The following SH3D21 variants were observed in gnomAD, a reference collection of about 807,000 sequenced individuals.
SH3D21 encodes the protein SH3 domain-containing protein 21.
SH3D21 carries 83 observed loss-of-function variants against 82.1 expected under a neutral mutation model. That is an observed-to-expected ratio of 1.01 (90% CI 0.85 to 1.21). The LOEUF is 1.21. Among genes scored for constraint, SH3D21 ranks in the 50% most tolerant of loss-of-function variants. The pLI is 0.00. For synonymous variants in SH3D21, 383 were observed against 387.8 expected, an observed-to-expected ratio of 0.99 and a Z score of 0.15; for missense variants, 980 against 962.1, an observed-to-expected ratio of 1.02 and a Z score of -0.25.
chr1:36,318,450 G>A (rs1646380724), intron 10 of SH3D21, among the ~76,000 whole-genome samples: 1 of 152,134 alleles, frequency 6.6e-6, no homozygotes, highest in South Asian at 2.1e-4. Flanking sequence ...AGATCTCTTA[G>A]AGAGTAAATG....
downstream of SH3D21, among the ~76,000 whole-genome samples, chr1:36,325,655 C>T (rs1646535031): frequency 6.6e-6 from 1 of 152,180 alleles, no homozygotes; most frequent in Admixed American, 6.5e-5. Flanking sequence ...TGCCATTCTC[C>T]TGCCTCAGCT....
In SH3D21 at chr1:36,319,416, G is replaced by C. The variant is rs1646403382; in HGVS notation, c.917-26G>C. 1.9e-6 allele frequency: 3 copies of C among 1,551,176 alleles called. No homozygotes were observed. The South Asian group carries it at 3.6e-5, about 18-fold the overall frequency. ...AGAGACTGAGGGTCAGAGTAGGCTT[G>C]GGTCCCTGAGGTTCTGCTCTCTTAG... On this transcript the variant is annotated intron_variant, in intron 12 of 15. Coordinates refer to ENST00000453908, the MANE Select transcript of SH3D21 (RefSeq NM_001162530.2).
intron 10 of SH3D21, among the ~76,000 whole-genome samples, chr1:36,315,709 C>T (rs139078577): frequency 6.6e-6 from 1 of 152,116 alleles, no homozygotes; most frequent in Non-Finnish European, 1.5e-5. Context: ...TGTCCACCAC[C>T]TCATTCAGCC....
In SH3D21 at chr1:36,320,662, C is replaced by T; in HGVS notation, c.1999C>T (p.Gln667Ter). 6.2e-7 allele frequency: 1 copy of T among 1,614,274 alleles called. No individual in the cohort carries two copies. The highest frequency in any genetic ancestry group is 8.5e-7 in the Non-Finnish European group (1 of 1,180,046). Residue 667 changes from glutamine to a stop codon, truncating the protein, a stop_gained, in exon 14 of 16, where the codon CAA becomes TAA. Coordinates refer to ENST00000453908, the MANE Select transcript of SH3D21 (RefSeq NM_001162530.2). LOFTEE classifies it high-confidence loss of function. ...TRPIKPPPDS[Q>*]ETLALPSLVP... ...TCCTATCAAGCCGCCTCCAGACTCC[C>T]AAGAGACGCTCGCGCTCCCCTCGCT... is the stretch of plus-strand genomic sequence containing the variant.
rs1321731178 is a variant in SH3D21, at chr1:36,307,750, AC to A, written c.437-18del. On this transcript the variant is annotated intron_variant, in intron 5 of 15. Transcript: ENST00000453908. The surrounding 1 kb of genome is among the most constrained non-coding windows in gnomAD (Gnocchi z 5.4). The stretch of plus-strand genomic sequence containing the variant: ...AACCTGTGAATTAGCACCCTCCCTA[AC>A]CTCACTGTCCCCCACTAGGCCTTGG... 11 of 1,550,920 alleles carry A rather than the reference AC, an allele frequency of 7.1e-6. No individual in the cohort carries two copies. In the Admixed American group the frequency reaches 1.2e-4, roughly 17 times the overall value.
chr1:36,319,443 C>T lies in SH3D21; in HGVS notation c.918C>T (p.Gly306=). 6.4e-7 allele frequency: 1 copy of T among 1,551,620 alleles called. No homozygotes were observed. Among genetic ancestry groups the T allele is most frequent in the Non-Finnish European group, 8.7e-7 (1 of 1,146,980 alleles). ...DSQKLTSRDS[G]PNGGFQSGGS... ...GTCCCTGAGGTTCTGCTCTCTTAGG[C>T]CCCAATGGTGGCTTCCAAAGTGGGG... The change falls in exon 13 of 16, where the codon GGC becomes GGT. Residue 306 remains glycine (G), a splice_region_variant and synonymous_variant. Transcript: ENST00000453908.
At chr1:36,308,308 A>C in intron 8 of SH3D21, 81 bp from the exon 9 acceptor site, 4 of 1,487,194 alleles carry the variant, frequency 2.7e-6, no homozygotes, top group Non-Finnish European at 3.7e-6. Context: ...CGTTGAAATT[A>C]TATCCATAAG....
chr1:36,322,131 G>T, downstream of SH3D21: 4 of 1,353,050 alleles, frequency 3.0e-6, no homozygotes, highest in South Asian at 6.8e-5. Context: ...CGCCCCCGGG[G>T]TCTTCTGGCA....
intron 10 of SH3D21, among the ~76,000 whole-genome samples, chr1:36,316,186 C>T (rs957650230): frequency 6.6e-6 from 1 of 152,050 alleles, no homozygotes; most frequent in African/African-American, 2.4e-5. Flanking sequence ...TCTTGCAGGC[C>T]TTAGTAGAAG....
At position 36,315,709 on chromosome 1, in the gene SH3D21, C is replaced by G. The variant is rs139078577; in HGVS notation, c.770-3362C>G. On this transcript the variant is annotated intron_variant, in intron 10 of 15. Coordinates refer to ENST00000453908, the MANE Select transcript of SH3D21 (RefSeq NM_001162530.2). ...TGTGAAGAGAGGATTTGTCCACCACCTCATTCAGCCAGAGCCAAATCCTGC... is the reference window on the plus strand; with the variant it reads ...TGTGAAGAGAGGATTTGTCCACCACGTCATTCAGCCAGAGCCAAATCCTGC... 7.4e-4 allele frequency among the ~76,000 whole-genome samples: 112 copies of G among 152,234 alleles called. 2 individuals carry two copies. The East Asian group carries it at 0.013, about 18-fold the overall frequency.
downstream of SH3D21, chr1:36,323,372 C>G (rs1165787553): frequency 2.9e-5 from 7 of 242,638 alleles, no homozygotes. Flanking sequence ...CCTCCACGCC[C>G]CAGGCGGGCT....
At chr1:36,313,972 C>CTTTTTTTTTTTCT (rs1646291630) in intron 10 of SH3D21, among the ~76,000 whole-genome samples, 1 of 36,784 alleles carries the variant, frequency 2.7e-5, no homozygotes, top group African/African-American at 7.5e-5. Flanking sequence ...AACATATTTT[C>CTTTTTTTTTTTCT]TTTTTTTTTT....
rs1376989432 is a variant in SH3D21 at position 36,319,840 on chromosome 1, G to C, written c.1177G>C (p.Gly393Arg). ...VPSPEKTLTL[G>R]DKASIPGNST... is the part of the protein sequence containing the mutation. Reference sequence around the variant, plus strand: ...CTCCCCAGAGAAGACCCTCACTCTAGGGGACAAGGCCTCTATCCCAGGGAA... The same window carrying C: ...CTCCCCAGAGAAGACCCTCACTCTACGGGACAAGGCCTCTATCCCAGGGAA... The change falls in exon 14 of 16, where the codon GGG becomes CGG. Residue 393 changes from glycine to arginine, a missense_variant. Gly to Arg is a moderately radical substitution (Grantham distance 125). Coordinates refer to ENST00000453908, the MANE Select transcript of SH3D21 (RefSeq NM_001162530.2). 1 of 1,613,966 alleles carries C rather than the reference G, an allele frequency of 6.2e-7. No individual in the cohort carries two copies. The highest frequency in any genetic ancestry group is 8.5e-7 in the Non-Finnish European group (1 of 1,179,948).
At position 36,314,201 on chromosome 1, in the gene SH3D21, T is replaced by C. The variant is rs191514194; in HGVS notation, c.769+4611T>C. ...TGTGTTAGCCAGGATGGTCTCGATC[T>C]CCTGACCTCGTGATTCACCCGCTTT... On this transcript the variant is annotated intron_variant, in intron 10 of 15. Coordinates refer to ENST00000453908, the MANE Select transcript of SH3D21 (RefSeq NM_001162530.2). 2.3e-3 allele frequency among the ~76,000 whole-genome samples: 344 copies of C among 151,336 alleles called. 2 individuals carry two copies. Among genetic ancestry groups the C allele is most frequent in the Admixed American group, 1.2e-3 (18 of 15,196 alleles).
intron 9 of SH3D21, 70 bp from the exon 10 acceptor site, chr1:36,309,478 G>T (rs375580789): frequency 3.3e-6 from 5 of 1,531,230 alleles, no homozygotes; most frequent in Admixed American, 2.0e-5. Context: ...GAGCCACCAC[G>T]CCTGGCCTGC....
intron 10 of SH3D21, 102 bp downstream of exon 10, chr1:36,309,692 C>A: frequency 1.6e-6 from 2 of 1,289,634 alleles, no homozygotes; most frequent in Non-Finnish European, 2.2e-6. Context: ...CAGTATGCCC[C>A]TATAGGAGCC....
At position 36,320,219 on chromosome 1, in the gene SH3D21, T is replaced by C; in HGVS notation, c.1556T>C (p.Val519Ala). ...GCCCTGCAGAAGGTCAAGTACTTTG[T>C]AGCCAAAGAGGATCCATCATCCCAG... ...EEALQKVKYF[V>A]AKEDPSSQEE... The change falls in exon 14 of 16, where the codon GTA (valine) becomes GCA (alanine). Residue 519 changes from valine to alanine, a missense_variant. Physicochemically the swap from Val to Ala is moderately conservative, Grantham distance 64. Transcript: ENST00000453908. 2 of 1,613,258 alleles carry C rather than the reference T, an allele frequency of 1.2e-6. No individual in the cohort carries two copies. The highest frequency in any genetic ancestry group is 1.1e-5 in the South Asian group (1 of 91,082).
intron 10 of SH3D21, among the ~76,000 whole-genome samples, chr1:36,311,762 T>C (rs546137824): frequency 6.6e-6 from 1 of 152,164 alleles, no homozygotes; most frequent in East Asian, 1.9e-4. Context: ...GTGGCAATTG[T>C]AGCTCATTGC....
intron 10 of SH3D21, among the ~76,000 whole-genome samples, 162 bp from the exon 11 acceptor site, chr1:36,318,909 A>C (rs1411467797): frequency 1.5e-5 from 2 of 135,026 alleles, no homozygotes; most frequent in Non-Finnish European, 3.0e-5. Context: ...AATAATAATA[A>C]TAATAATAAT....
Sources: allele counts gnomAD v4.1 joint callset (sites outside exome capture counted in the v4.1 genomes callset), GRCh38; gene constraint gnomAD v4.1.1; non-coding constraint Gnocchi (gnomAD v3.1); transcripts MANE v1.5; gene names NCBI Gene and HGNC (gene_info 2026-07-23, HGNC 2026-07-21).